The following PHLDB2 variants were observed in gnomAD, a reference collection of about 807,000 sequenced individuals.
PHLDB2 encodes the protein pleckstrin homology like domain family B member 2.
Under a neutral mutation model 123.6 loss-of-function variants are expected in PHLDB2, and 71 were observed. The observed-to-expected ratio is 0.57, with a 90% confidence interval of 0.47 to 0.70. The LOEUF (loss-of-function observed/expected upper bound fraction) is 0.70, where lower values mean the gene tolerates loss of function less well. Among genes scored for constraint, PHLDB2 ranks in the 30% least tolerant of loss-of-function variants. PHLDB2 has a pLI of 0.00. For synonymous variants in PHLDB2, 547 were observed against 541.6 expected, an observed-to-expected ratio of 1.01 and a Z score of -0.14; for missense variants, 1,446 against 1,519.5, an observed-to-expected ratio of 0.95 and a Z score of 0.80.
At chr3:111,828,808 CAAACAAA>C (rs1384823695) in intron 1 of PHLDB2, among the ~76,000 whole-genome samples, 2 of 152,058 alleles carry the variant, frequency 1.3e-5, no homozygotes, top group Non-Finnish European at 2.9e-5. Flanking sequence ...AACAAACAAA[CAAACAAA>C]AAAGATTATA....
Position 111,884,265 on chromosome 3 carries a change from C to T in PHLDB2, c.188C>T (p.Ser63Leu). ...TATTCTGGCTCCTATTTAACCCTCT[C>T]ACAACCTGTGCCTGCAAAGAGAAGC... ...GDYSGSYLTL[S>L]QPVPAKRSPS... Residue 63 changes from serine (S) to leucine (L), a missense_variant, in exon 2 of 18, where the codon TCA becomes TTA. By Grantham distance (145) the Ser-to-Leu change is moderately radical. Around this residue, in one of 3 missense-constraint regions of PHLDB2, gnomAD observed 832 missense variants for 831.9 expected, o/e 1.00. Coordinates refer to ENST00000431670, the MANE Select transcript of PHLDB2 (RefSeq NM_001134438.2). 6.2e-7 allele frequency: 1 copy of T among 1,614,212 alleles called. No individual in the cohort carries two copies. Among genetic ancestry groups the T allele is most frequent in the Non-Finnish European group, 8.5e-7 (1 of 1,180,030 alleles).
In PHLDB2 at chr3:111,885,089, G is replaced by A. The variant is rs779933656; in HGVS notation, c.1012G>A (p.Ala338Thr). 1.2e-6 allele frequency: 2 copies of A among 1,614,112 alleles called. No individual in the cohort carries two copies. Among genetic ancestry groups the A allele is most frequent in the South Asian group, 2.2e-5 (2 of 91,072 alleles). Residue 338 changes from alanine to threonine, a missense_variant, in exon 2 of 18, where the codon GCT becomes ACT. Transcript: ENST00000431670. Reference protein sequence around the residue: ...TLSVPASPRVARKMLLASTSS... With the variant: ...TLSVPASPRVTRKMLLASTSS... ...CAGTGTCCCTGCCAGTCCACGAGTG[G>A]CTCGGAAGATGCTTCTGGCCTCCAC...
chr3:111,907,150 G>A (rs6802150), intron 2 of PHLDB2, among the ~76,000 whole-genome samples: 42,483 of 152,118 alleles, frequency 0.28, 7,173 homozygotes, highest in East Asian at 0.64. Flanking sequence ...CTGGAGAGCA[G>A]TGTCTCCACA....
At chr3:111,733,638 A>G (rs1418026543) in intron 1 of PHLDB2, among the ~76,000 whole-genome samples, 2 of 152,236 alleles carry the variant, frequency 1.3e-5, no homozygotes, top group East Asian at 1.9e-4. Context: ...GATGATAACT[A>G]TGAAACAAGT....
chr3:111,847,507 C>T (rs533491167), intron 2 of PHLDB2, among the ~76,000 whole-genome samples: 1 of 152,188 alleles, frequency 6.6e-6, no homozygotes, highest in Non-Finnish European at 1.5e-5. Context: ...GCCATCACAT[C>T]CTGCCATAAG....
chr3:111,957,424 A>G (rs953644577), intron 12 of PHLDB2: 2 of 152,576 alleles, frequency 1.3e-5, no homozygotes, highest in African/African-American at 4.8e-5. Context: ...AAGAAACACA[A>G]TGCTGGGTGC....
chr3:111,866,783 G>T (rs112208382), intron 1 of PHLDB2, among the ~76,000 whole-genome samples: 13 of 152,290 alleles, frequency 8.5e-5, no homozygotes, highest in Admixed American at 2.0e-4. Flanking sequence ...GTTATCCCAT[G>T]ATTCTGCACT....
chr3:111,879,554 A>C (rs1002058371), intron 1 of PHLDB2, among the ~76,000 whole-genome samples: 13 of 152,080 alleles, frequency 8.5e-5, no homozygotes, highest in Admixed American at 8.5e-4. Context: ...GAAGTGGAGG[A>C]GGTAGAAGGG....
intron 1 of PHLDB2, among the ~76,000 whole-genome samples, chr3:111,751,212 C>G (rs988172194): frequency 2.1e-5 from 3 of 146,322 alleles, no homozygotes; most frequent in Non-Finnish European, 4.5e-5. Flanking sequence ...TGTGTGCAGA[C>G]AGATAGTAAC....
At position 111,952,989 on chromosome 3, in the gene PHLDB2, TC is replaced by T. The variant is rs148705808; in HGVS notation, c.2772+280del. 4.2e-3 allele frequency among the ~76,000 whole-genome samples: 640 copies of T among 152,260 alleles called. 7 individuals carry two copies. Among genetic ancestry groups the T allele is most frequent in the African/African-American group, 0.015 (617 of 41,538 alleles). On this transcript the variant is annotated intron_variant, in intron 11 of 17. Transcript: ENST00000431670. Reference sequence around the variant, plus strand: ...TACATGATGGACTTCCGTGGCTGCATCCCACATCTGGAGATAAGATAGGATG... The same window carrying T: ...TACATGATGGACTTCCGTGGCTGCATCCACATCTGGAGATAAGATAGGATG...
intron 1 of PHLDB2, among the ~76,000 whole-genome samples, chr3:111,740,936 G>C (rs1243935905): frequency 1.3e-5 from 2 of 151,470 alleles, no homozygotes; most frequent in Admixed American, 6.6e-5. Context: ...GAGAGGAGAG[G>C]GGGGAGAAAA....
At chr3:111,830,959 A>AGAG (rs1559854959) in intron 1 of PHLDB2, among the ~76,000 whole-genome samples, 393 of 30,464 alleles carry the variant, frequency 0.013, 4 homozygotes, top group South Asian at 0.035. Flanking sequence ...AAGAAAGAGA[A>AGAG]AGAAAGAAAG....
intron 1 of PHLDB2, among the ~76,000 whole-genome samples, chr3:111,828,407 C>A (rs1296310770): frequency 6.6e-6 from 1 of 152,102 alleles, no homozygotes; most frequent in Non-Finnish European, 1.5e-5. Flanking sequence ...TTTCCCCTAT[C>A]TAATTTCCCC....
intron 1 of PHLDB2, among the ~76,000 whole-genome samples, chr3:111,778,085 G>C (rs1292067589): frequency 1.3e-5 from 2 of 151,964 alleles, no homozygotes; most frequent in Non-Finnish European, 2.9e-5. Flanking sequence ...CTCTCTGTAG[G>C]TCTTCATTTT....
chr3:111,830,055 T>G (rs2062870498), intron 1 of PHLDB2, among the ~76,000 whole-genome samples: 2 of 151,698 alleles, frequency 1.3e-5, no homozygotes, highest in Non-Finnish European at 2.9e-5. Context: ...AAAGAGAAAT[T>G]TGTAATTTTG....
At chr3:111,892,797 G>A (rs2066576553) in intron 2 of PHLDB2, among the ~76,000 whole-genome samples, 1 of 152,146 alleles carries the variant, frequency 6.6e-6, no homozygotes, top group Non-Finnish European at 1.5e-5. Flanking sequence ...TTGAGCAGAT[G>A]ATAGATCTAA....
In PHLDB2 at chr3:111,879,172, C is replaced by T. The variant is rs1027533785; in HGVS notation, c.-14-4892C>T. Among the ~76,000 whole-genome samples, 6 of 152,130 alleles carry T rather than the reference C, an allele frequency of 3.9e-5. No homozygotes were observed. The East Asian group carries it at 5.8e-4, about 15-fold the overall frequency. On this transcript the variant is annotated intron_variant, in intron 1 of 17. Coordinates refer to ENST00000431670, the MANE Select transcript of PHLDB2 (RefSeq NM_001134438.2). ...CTCTGGTAACATTCAGCTGTGAATC[C>T]GTCTGGTCCTGGACTTTTTTTGGTT...
intron 1 of PHLDB2, among the ~76,000 whole-genome samples, chr3:111,792,913 GTTAT>G (rs1423312724): frequency 6.6e-6 from 1 of 152,184 alleles, no homozygotes; most frequent in Non-Finnish European, 1.5e-5. Flanking sequence ...ATATTTGAAG[GTTAT>G]TTATAGCTGA....
At chr3:111,940,256 A>G (rs2069784485) in intron 7 of PHLDB2, among the ~76,000 whole-genome samples, 1 of 152,226 alleles carries the variant, frequency 6.6e-6, no homozygotes, top group African/African-American at 2.4e-5. Flanking sequence ...TAAAAAATTC[A>G]TCGATAGCCT....
Sources: allele counts gnomAD v4.1 joint callset (sites outside exome capture counted in the v4.1 genomes callset), GRCh38; gene constraint gnomAD v4.1.1; regional missense constraint gnomAD v4.1.1; transcripts MANE v1.5; gene names NCBI Gene and HGNC (gene_info 2026-07-23, HGNC 2026-07-21).